PHLDB1: variants seen among roughly 807,000 people sequenced by gnomAD.
The protein encoded by PHLDB1 is pleckstrin homology-like domain family B member 1.
A neutral mutation model predicts 139.3 loss-of-function variants in PHLDB1; 65 were observed. The ratio of observed to expected loss-of-function variants is 0.47; its 90% CI spans 0.38 to 0.57. The LOEUF (loss-of-function observed/expected upper bound fraction) is 0.57. PHLDB1 is among the 20% of genes least tolerant of loss of function. The probability of loss-of-function intolerance (pLI) is 0.00; values close to 1 mark genes in which losing one functional copy is unlikely to be tolerated. For synonymous variants in PHLDB1, 679 were observed against 734.5 expected, an observed-to-expected ratio of 0.92 and a Z score of 1.22; for missense variants, 1,624 against 1,839.7, an observed-to-expected ratio of 0.88 and a Z score of 2.14.
chr11:118,637,053 C>T (rs1166203388), intron 10 of PHLDB1: 1 of 152,268 alleles, frequency 6.6e-6, no homozygotes, highest in Non-Finnish European at 1.5e-5. Context: ...GCCCTGGTGC[C>T]CTGTGCTCCC....
chr11:118,628,251 C>T lies in PHLDB1; in HGVS notation c.1428C>T (p.Thr476=). ...RRALSPLPTR[T]TPDPKLNREV... is the part of the protein sequence containing the mutation. ...CTCTCTCCCCGCTGCCCACCCGGACCACCCCAGATCCCAAGCTAAACAGGG... is the reference window on the plus strand; with the variant it reads ...CTCTCTCCCCGCTGCCCACCCGGACTACCCCAGATCCCAAGCTAAACAGGG... The change falls in exon 6 of 23, where the codon ACC becomes ACT. Residue 476 remains threonine (T), a synonymous_variant. Coordinates refer to ENST00000600882, the MANE Select transcript of PHLDB1 (RefSeq NM_001144758.3). 6.2e-7 allele frequency: 1 copy of T among 1,614,138 alleles called. No homozygotes were observed. Among genetic ancestry groups the T allele is most frequent in the Non-Finnish European group, 8.5e-7 (1 of 1,180,028 alleles).
chr11:118,654,472 C>G (rs528032062), intron 20 of PHLDB1: 2 of 151,908 alleles, frequency 1.3e-5, no homozygotes, highest in East Asian at 3.9e-4. Context: ...GAATTATGCC[C>G]CACCCACTAC....
intron 12 of PHLDB1, chr11:118,641,366 G>A (rs1946485793): frequency 5.5e-6 from 1 of 182,536 alleles, no homozygotes; most frequent in Non-Finnish European, 1.1e-5. Context: ...CCTGCATAAG[G>A]GGAGGTTGGG....
Position 118,632,470 on chromosome 11 carries a change from T to C in PHLDB1, c.2379+174T>C. ...CTCCTCCTCTGTGGAAGGAACCAGC[T>C]TGGAGGGCACTGCCAGGGGCTGGGC... On this transcript the variant is annotated intron_variant, in intron 9 of 22. Transcript: ENST00000600882. This position sits in a 1 kb window ranked among gnomAD's most constrained non-coding sequence, Gnocchi z 5.9. 1.4e-6 allele frequency: 1 copy of C among 705,624 alleles called. No homozygotes were observed. Among genetic ancestry groups the C allele is most frequent in the Non-Finnish European group, 2.4e-6 (1 of 419,538 alleles). 43.7% of individuals were successfully genotyped at this position (705,624 alleles called of 1,614,324 possible).
chr11:118,650,468 G>A lies in PHLDB1; in HGVS notation c.3795G>A (p.Lys1265=). The A allele has an allele frequency of 6.2e-7, 1 of 1,614,088 alleles. No homozygotes were observed. Among genetic ancestry groups the A allele is most frequent in the Non-Finnish European group, 8.5e-7 (1 of 1,179,912 alleles). The change falls in exon 20 of 23, where the codon AAG becomes AAA. Residue 1265 remains lysine (K), a synonymous_variant. Transcript: ENST00000600882. The surrounding 1 kb of genome is among the most constrained non-coding windows in gnomAD (Gnocchi z 4.7). The stretch of plus-strand genomic sequence containing the variant: ...AGGTCTGCCGTGGCTACTTGGTCAA[G>A]ATGGGCGGCAAGATTAAATCATGGA... ...SSKVCRGYLV[K]MGGKIKSWKK... is the part of the protein sequence containing the mutation.
chr11:118,614,380 T>G (rs1018311611), intron 2 of PHLDB1, among the ~76,000 whole-genome samples, 179 bp from the exon 3 acceptor site: 1 of 151,236 alleles, frequency 6.6e-6, no homozygotes, highest in Non-Finnish European at 1.5e-5. Context: ...TGGCCTAGAT[T>G]CAGATCTAAT....
intron 2 of PHLDB1, 67 bp downstream of exon 2, chr11:118,613,963 T>G (rs1306500480): frequency 4.9e-6 from 5 of 1,017,636 alleles, no homozygotes; most frequent in Admixed American, 3.8e-5. Context: ...TTCTACCCCC[T>G]TGTGGTCCCA....
At chr11:118,612,698 G>A (rs1555085109) in intron 1 of PHLDB1, among the ~76,000 whole-genome samples, 1 of 152,204 alleles carries the variant, frequency 6.6e-6, no homozygotes, top group Non-Finnish European at 1.5e-5. Flanking sequence ...TAAGGTCCTC[G>A]GGACCCACTG....
chr11:118,643,829 C>T lies in PHLDB1; in HGVS notation c.2907C>T (p.Ala969=), dbSNP rs1555123674. The part of the protein sequence containing the change: ...QVYRSKMDGE[A]TSPLPRTRSG... ...ACCGCTCCAAGATGGATGGCGAGGC[C>T]ACCAGCCCCCTTCCCCGGACCCGCA... The change falls in exon 14 of 23, where the codon GCC becomes GCT. Residue 969 remains alanine (A), a synonymous_variant. Coordinates refer to ENST00000600882, the MANE Select transcript of PHLDB1 (RefSeq NM_001144758.3). 3.7e-6 allele frequency: 6 copies of T among 1,613,990 alleles called. No homozygotes were observed. Among genetic ancestry groups the T allele is most frequent in the Non-Finnish European group, 5.1e-6 (6 of 1,180,006 alleles).
Position 118,608,630 on chromosome 11 carries a change from G to A in PHLDB1, c.-22+931G>A, listed in dbSNP as rs929394429. ...CCTCCCGAGGCTGACTCATCGGGCG[G>A]CGGGCTCACCCCCCAGCCGTCAAAC... On this transcript the variant is annotated intron_variant, in intron 1 of 22. Transcript: ENST00000600882. The surrounding 1 kb of genome is among the most constrained non-coding windows in gnomAD (Gnocchi z 6.7). 3.9e-5 allele frequency among the ~76,000 whole-genome samples: 6 copies of A among 152,132 alleles called. No homozygotes were observed. Among genetic ancestry groups the A allele is most frequent in the Non-Finnish European group, 5.9e-5 (4 of 67,984 alleles).
At chr11:118,638,849 C>T (rs2136455943) in intron 10 of PHLDB1, 42 bp from the exon 11 acceptor site, 1 of 1,478,670 alleles carries the variant, frequency 6.8e-7, no homozygotes, top group South Asian at 1.2e-5. Flanking sequence ...TGGGCTCAGC[C>T]CTGTCTCCCC....
At chr11:118,616,289 T>G in intron 4 of PHLDB1, 78 bp downstream of exon 4, 10 of 1,345,692 alleles carry the variant, frequency 7.4e-6, no homozygotes, top group Non-Finnish European at 1.0e-5. Context: ...AGGCTGGCTG[T>G]GGTGGTTGCC....
chr11:118,609,513 C>A (rs1939762293), intron 1 of PHLDB1, among the ~76,000 whole-genome samples: 1 of 150,542 alleles, frequency 6.6e-6, no homozygotes, highest in Non-Finnish European at 1.5e-5. Flanking sequence ...ACACATGCAG[C>A]CCCCTCACAC....
At chr11:118,654,958 TC>T (rs2137128411) in intron 20 of PHLDB1, 1 of 152,298 alleles carries the variant, frequency 6.6e-6, no homozygotes, top group South Asian at 2.1e-4. Context: ...CCTCAGGTGA[TC>T]CACCCTCCTC....
intron 4 of PHLDB1, among the ~76,000 whole-genome samples, chr11:118,617,531 T>C (rs1941890597): frequency 6.6e-6 from 1 of 152,038 alleles, no homozygotes; most frequent in Non-Finnish European, 1.5e-5. Flanking sequence ...AGTGGCATGA[T>C]CTCGGCTCAC....
chr11:118,607,115 T>C (rs1939338089), upstream of PHLDB1, among the ~76,000 whole-genome samples: 1 of 151,788 alleles, frequency 6.6e-6, no homozygotes, highest in Non-Finnish European at 1.5e-5. Flanking sequence ...GTAGATGTTC[T>C]GGAGATGTTG....
At chr11:118,627,002 T>C in intron 5 of PHLDB1, 1 of 404,408 alleles carries the variant, frequency 2.5e-6, no homozygotes, top group Non-Finnish European at 4.4e-6. Context: ...TGGAGGAGTC[T>C]AGTCTTGGGG....
At position 118,639,089 on chromosome 11, in the gene PHLDB1, T is replaced by G. The variant is rs1591659950; in HGVS notation, c.2647-73T>G. On this transcript the variant is annotated intron_variant, in intron 11 of 22. Transcript: ENST00000600882. ...GGACTGGGGTGTAAATGTGCTGGGG[T>G]GGAGCACAGGGCCCCCCTCACACAG... is the stretch of plus-strand genomic sequence containing the variant. 3 of 1,538,754 alleles carry G rather than the reference T, an allele frequency of 1.9e-6. No homozygotes were observed. The East Asian group carries it at 6.7e-5, about 35-fold the overall frequency.
In PHLDB1 at chr11:118,650,430, C is replaced by A; in HGVS notation, c.3772-15C>A. On this transcript the variant is annotated splice_polypyrimidine_tract_variant and intron_variant, in intron 19 of 22. Transcript: ENST00000600882. The surrounding 1 kb of genome is among the most constrained non-coding windows in gnomAD (Gnocchi z 4.7). ...CTGCATATTTGGGTCCTTCCTTACT[C>A]CTGCTTCCTACCAGGTCTGCCGTGG... 6.3e-7 allele frequency: 1 copy of A among 1,587,846 alleles called. No individual in the cohort carries two copies. The highest frequency in any genetic ancestry group is 8.7e-7 in the Non-Finnish European group (1 of 1,155,906).
Sources: gnomAD v4.1 joint callset for allele counts (sites outside exome capture counted in the v4.1 genomes callset) on GRCh38, gnomAD v4.1.1 for gene constraint, Gnocchi (gnomAD v3.1) non-coding constraint, MANE v1.5 for transcripts, NCBI Gene and HGNC (gene_info 2026-07-23, HGNC 2026-07-21) for gene names.